SGCZ: variants seen among roughly 807,000 people sequenced by gnomAD.
SGCZ encodes sarcoglycan zeta, also known as zeta-sarcoglycan.
A neutral mutation model predicts 41.3 loss-of-function variants in SGCZ; 40 were observed. That is an observed-to-expected ratio of 0.97 (90% CI 0.75 to 1.26). SGCZ has a LOEUF of 1.26. Among genes scored for constraint, SGCZ ranks in the 50% most tolerant of loss-of-function variants. The probability of loss-of-function intolerance (pLI) is 0.00; values close to 1 mark genes in which losing one functional copy is unlikely to be tolerated. For missense variants in SGCZ, 552 were observed against 369.8 expected (o/e 1.49, Z -4.04); for synonymous variants, 206 against 137.5 (o/e 1.50, Z -3.49).
intron 4 of SGCZ, among the ~76,000 whole-genome samples, chr8:14,195,259 C>T (rs1051418154): frequency 5.3e-5 from 8 of 152,004 alleles, no homozygotes; most frequent in Admixed American, 1.3e-4. Context: ...CCAAATCAAG[C>T]TGCAGTAGGA....
At chr8:14,289,829 A>G (rs1289797237) in intron 3 of SGCZ, among the ~76,000 whole-genome samples, 1 of 151,776 alleles carries the variant, frequency 6.6e-6, no homozygotes, top group African/African-American at 2.4e-5. Flanking sequence ...TAATTAAAAA[A>G]AATAAAAAGA....
intron 2 of SGCZ, among the ~76,000 whole-genome samples, chr8:14,374,126 C>T (rs146024891): frequency 1.7e-4 from 26 of 152,146 alleles, no homozygotes; most frequent in African/African-American, 6.0e-4. Flanking sequence ...ACCTATAATC[C>T]CGGCACTTTG....
Position 14,618,421 on chromosome 8 carries a change from G to C in SGCZ, c.40-63495C>G, listed in dbSNP as rs938845403. Among the ~76,000 whole-genome samples, 10 of 152,208 alleles carry C rather than the reference G, an allele frequency of 6.6e-5. No homozygotes were observed. In the East Asian group the frequency reaches 1.9e-3, roughly 29 times the overall value. On this transcript the variant is annotated intron_variant, in intron 1 of 7. Transcript: ENST00000382080. ...TATTTGAAGCAAAAACATTCCAGTA[G>C]CCAGAAAGTCCAGTATAGAGGTCCT...
chr8:14,279,496 G>A (rs183144062), intron 3 of SGCZ, among the ~76,000 whole-genome samples: 3 of 151,844 alleles, frequency 2.0e-5, no homozygotes, highest in Admixed American at 2.0e-4. Flanking sequence ...TTCAGTGGCG[G>A]GAATTTGGAT....
intron 1 of SGCZ, among the ~76,000 whole-genome samples, chr8:14,680,256 T>C (rs1808399648): frequency 6.6e-6 from 1 of 152,142 alleles, no homozygotes; most frequent in Non-Finnish European, 1.5e-5. Flanking sequence ...AACTGCTCTG[T>C]ATGATGCTAT....
At chr8:14,611,704 G>C (rs1420948806) in intron 1 of SGCZ, among the ~76,000 whole-genome samples, 1 of 152,010 alleles carries the variant, frequency 6.6e-6, no homozygotes, top group African/African-American at 2.4e-5. Context: ...TTTTCATAAA[G>C]AAATATTTCC....
At chr8:14,334,528 C>T (rs970600310) in intron 2 of SGCZ, among the ~76,000 whole-genome samples, 1 of 152,070 alleles carries the variant, frequency 6.6e-6, no homozygotes, top group Non-Finnish European at 1.5e-5. Context: ...CCCAATATAG[C>T]TTCCCTAATA....
At chr8:14,841,167 G>A (rs938038301) in intron 1 of SGCZ, among the ~76,000 whole-genome samples, 1 of 151,764 alleles carries the variant, frequency 6.6e-6, no homozygotes, top group South Asian at 2.1e-4. Flanking sequence ...CTGCATGTCT[G>A]AAACATTAAA....
At chr8:14,822,989 G>C (rs1055130591) in intron 1 of SGCZ, among the ~76,000 whole-genome samples, 1 of 141,362 alleles carries the variant, frequency 7.1e-6, no homozygotes, top group East Asian at 2.3e-4. Context: ...GGGAGGCAGA[G>C]ATTGCAGTAA....
intron 1 of SGCZ, among the ~76,000 whole-genome samples, chr8:15,151,493 G>A (rs1264391612): frequency 1.3e-5 from 2 of 152,172 alleles, no homozygotes; most frequent in Admixed American, 1.3e-4. Context: ...CATTGAAAAT[G>A]AATGAGGTTG....
chr8:14,984,274 G>C (rs776392446), intron 1 of SGCZ, among the ~76,000 whole-genome samples: 10 of 152,140 alleles, frequency 6.6e-5, no homozygotes, highest in African/African-American at 2.4e-4. Context: ...GTATGAAATA[G>C]TGGCAATATG....
At chr8:14,738,064 A>C in intron 1 of SGCZ, among the ~76,000 whole-genome samples, 1 of 152,114 alleles carries the variant, frequency 6.6e-6, no homozygotes, top group East Asian at 1.9e-4. Flanking sequence ...TGGCGTTCGC[A>C]CTTTAGTCTC....
intron 1 of SGCZ, among the ~76,000 whole-genome samples, chr8:15,221,307 G>T (rs796777639): frequency 2.6e-5 from 4 of 152,188 alleles, no homozygotes; most frequent in African/African-American, 9.6e-5. Flanking sequence ...AACTAACATG[G>T]GAGTGGGGGA....
At chr8:14,712,913 A>T (rs1449721329) in intron 1 of SGCZ, among the ~76,000 whole-genome samples, 1 of 152,044 alleles carries the variant, frequency 6.6e-6, no homozygotes, top group Non-Finnish European at 1.5e-5. Context: ...GTTTTTAAAC[A>T]ATAAACCAAT....
intron 1 of SGCZ, among the ~76,000 whole-genome samples, chr8:14,780,812 T>A (rs1336950867): frequency 6.6e-6 from 1 of 152,208 alleles, no homozygotes; most frequent in Non-Finnish European, 1.5e-5. Flanking sequence ...ATTTCTTTTT[T>A]AAATTACTTC....
chr8:14,632,813 G>C (rs1454648054), intron 1 of SGCZ, among the ~76,000 whole-genome samples: 1 of 152,058 alleles, frequency 6.6e-6, no homozygotes, highest in African/African-American at 2.4e-5. Flanking sequence ...AGGGGAGAAA[G>C]TTAATACAGC....
At chr8:14,743,986 C>T (rs961495630) in intron 1 of SGCZ, among the ~76,000 whole-genome samples, 4 of 152,066 alleles carry the variant, frequency 2.6e-5, no homozygotes, top group Non-Finnish European at 5.9e-5. Flanking sequence ...GCAAATATTG[C>T]CTCTTGAATT....
chr8:14,766,403 A>C lies in SGCZ; in HGVS notation c.40-211477T>G, dbSNP rs1161069591. ...TCAAAAGAATTTGTTTACTTATTGG[A>C]TCTTGTTCTAAATGATGAACGTCTT... On this transcript the variant is annotated intron_variant, in intron 1 of 7. Transcript: ENST00000382080. Among the ~76,000 whole-genome samples, 5 of 152,134 alleles carry C rather than the reference A, an allele frequency of 3.3e-5. No individual in the cohort carries two copies. In the East Asian group the frequency reaches 9.6e-4, roughly 29 times the overall value.
chr8:14,761,985 G>C (rs1212297053), intron 1 of SGCZ, among the ~76,000 whole-genome samples: 1 of 151,942 alleles, frequency 6.6e-6, no homozygotes, highest in African/African-American at 2.4e-5. Context: ...GCTAACACAG[G>C]GTTCAGTAAA....
Sources: gnomAD v4.1 joint callset for allele counts (sites outside exome capture counted in the v4.1 genomes callset) on GRCh38, gnomAD v4.1.1 for gene constraint, MANE v1.5 for transcripts, NCBI Gene and HGNC (gene_info 2026-07-23, HGNC 2026-07-21) for gene names.